RCAN1: variants seen among roughly 807,000 people sequenced by gnomAD.
The protein encoded by RCAN1 is regulator of calcineurin 1, also known as calcipressin-1.
Under a neutral mutation model 22.9 loss-of-function variants are expected in RCAN1, and 11 were observed. The observed-to-expected ratio is 0.48, with a 90% confidence interval of 0.30 to 0.79. The LOEUF (loss-of-function observed/expected upper bound fraction) is 0.79, where lower values mean the gene tolerates loss of function less well. Ranked by LOEUF, RCAN1 falls within the 30% of genes least tolerant of loss-of-function variation. The pLI is 0.06. For synonymous variants in RCAN1, 136 were observed against 142.3 expected (o/e 0.96, Z 0.32); for missense variants, 291 against 337.8 (o/e 0.86, Z 1.09).
intron 1 of RCAN1, among the ~76,000 whole-genome samples, chr21:34,596,236 A>G (rs1775414386): frequency 1.3e-5 from 2 of 152,166 alleles, no homozygotes; most frequent in African/African-American, 4.8e-5. Context: ...TTAACCTCTA[A>G]GCTCCAACAG....
intron 1 of RCAN1, among the ~76,000 whole-genome samples, chr21:34,562,059 C>T (rs1213633055): frequency 6.6e-6 from 1 of 152,204 alleles, no homozygotes; most frequent in East Asian, 1.9e-4. Context: ...GGGGCACTCC[C>T]AGATCTGCCC....
At chr21:34,610,038 C>A (rs1223918777) in intron 1 of RCAN1, among the ~76,000 whole-genome samples, 3 of 152,182 alleles carry the variant, frequency 2.0e-5, no homozygotes, top group Non-Finnish European at 4.4e-5. Context: ...CACCCTCACA[C>A]TAGGGTGAAA....
At chr21:34,573,499 C>G (rs1372992120) in intron 1 of RCAN1, among the ~76,000 whole-genome samples, 1 of 152,202 alleles carries the variant, frequency 6.6e-6, no homozygotes, top group Non-Finnish European at 1.5e-5. Context: ...GGTCCCACTA[C>G]AAATGCAGAT....
intron 1 of RCAN1, among the ~76,000 whole-genome samples, chr21:34,532,079 T>C (rs1985422380): frequency 6.6e-6 from 1 of 151,704 alleles, no homozygotes; most frequent in Admixed American, 6.6e-5. Flanking sequence ...AGTGTCAGGG[T>C]CAGTGGTGGA....
chr21:34,580,401 G>A (rs1300206196), intron 1 of RCAN1, among the ~76,000 whole-genome samples: 2 of 152,216 alleles, frequency 1.3e-5, no homozygotes, highest in South Asian at 2.1e-4. Flanking sequence ...GCTGGCACGG[G>A]TGGCCATGGA....
At position 34,614,730 on chromosome 21, in the gene RCAN1, C is replaced by T. The variant is rs1428738453; in HGVS notation, c.252+30G>A. ...TCGGGCAACAAGTGTCCGCCCTCCG[C>T]CCCGACGGCCCGCCCGGCGCGGTCC... On this transcript the variant is annotated intron_variant, in intron 1 of 3. Coordinates refer to ENST00000313806, the MANE Select transcript of RCAN1 (RefSeq NM_004414.7). The surrounding 1 kb of genome is among the most constrained non-coding windows in gnomAD (Gnocchi z 6.0). The T allele has an allele frequency of 7.1e-7, 1 of 1,404,526 alleles. No individual in the cohort carries two copies. The highest frequency in any genetic ancestry group is 3.4e-5 in the East Asian group (1 of 29,118). 87.0% of individuals were successfully genotyped at this position (1,404,526 alleles called of 1,614,324 possible). A position where few individuals can be genotyped will look rare whatever the true frequency, so the allele number is the denominator to read the frequency against.
intron 1 of RCAN1, among the ~76,000 whole-genome samples, chr21:34,542,348 C>A (rs1215237883): frequency 6.6e-6 from 1 of 152,162 alleles, no homozygotes; most frequent in Non-Finnish European, 1.5e-5. Flanking sequence ...AAGCCATGCC[C>A]TTCTGCCTTG....
intron 1 of RCAN1, among the ~76,000 whole-genome samples, chr21:34,592,915 T>A (rs997686243): frequency 1.1e-4 from 17 of 152,212 alleles, no homozygotes; most frequent in African/African-American, 4.1e-4. Context: ...CTGGTTCTTC[T>A]AAGCGCATGT....
At chr21:34,594,276 G>A (rs981946166) in intron 1 of RCAN1, among the ~76,000 whole-genome samples, 4 of 152,272 alleles carry the variant, frequency 2.6e-5, no homozygotes, top group South Asian at 2.1e-4. Context: ...AGGGTGGGCC[G>A]GGCGCGGTGG....
chr21:34,604,217 G>A (rs1001156641), intron 1 of RCAN1, among the ~76,000 whole-genome samples: 4 of 152,038 alleles, frequency 2.6e-5, no homozygotes, highest in African/African-American at 7.3e-5. Context: ...TGCAACCTCC[G>A]CCTCCCGGGT....
chr21:34,533,206 T>C (rs1035295261), intron 1 of RCAN1, among the ~76,000 whole-genome samples: 8 of 152,104 alleles, frequency 5.3e-5, no homozygotes, highest in African/African-American at 9.7e-5. Context: ...ATGATCTGCC[T>C]GCGTTGGCCT....
chr21:34,582,621 G>T (rs1324810068), intron 1 of RCAN1, among the ~76,000 whole-genome samples: 1 of 152,154 alleles, frequency 6.6e-6, no homozygotes, highest in African/African-American at 2.4e-5. Flanking sequence ...GGAGAGGGCA[G>T]AGCGGGCCAC....
At chr21:34,540,853 C>T (rs945395823) in intron 1 of RCAN1, among the ~76,000 whole-genome samples, 3 of 151,936 alleles carry the variant, frequency 2.0e-5, no homozygotes, top group Non-Finnish European at 2.9e-5. Flanking sequence ...GGCGGGGTGG[C>T]GGGTGCCTGT....
intron 1 of RCAN1, among the ~76,000 whole-genome samples, chr21:34,578,895 A>G (rs767337406): frequency 3.3e-5 from 5 of 152,076 alleles, no homozygotes; most frequent in Non-Finnish European, 7.4e-5. Flanking sequence ...CCCGACTCCA[A>G]CAGTGACAGA....
chr21:34,597,038 G>A (rs372258711), intron 1 of RCAN1, among the ~76,000 whole-genome samples: 2 of 152,118 alleles, frequency 1.3e-5, no homozygotes, highest in Non-Finnish European at 2.9e-5. Flanking sequence ...TCTCAGTTTC[G>A]TCATGAACTT....
intron 1 of RCAN1, among the ~76,000 whole-genome samples, chr21:34,550,861 A>T (rs1986338374): frequency 6.6e-6 from 1 of 152,214 alleles, no homozygotes; most frequent in Non-Finnish European, 1.5e-5. Context: ...TCAGTCCCCC[A>T]TACTAAGGCA....
chr21:34,591,463 T>TG (rs1323849626), intron 1 of RCAN1, among the ~76,000 whole-genome samples: 8 of 151,806 alleles, frequency 5.3e-5, no homozygotes, highest in Admixed American at 4.6e-4. Context: ...GCATGGGCCC[T>TG]GGGGGGGAAC....
At chr21:34,612,709 C>G (rs1988714607) in intron 1 of RCAN1, among the ~76,000 whole-genome samples, 1 of 152,280 alleles carries the variant, frequency 6.6e-6, no homozygotes, top group Admixed American at 6.5e-5. Flanking sequence ...AACTCCACAC[C>G]TTCAAGTCTA....
At chr21:34,570,465 A>G (rs1293108092) in intron 1 of RCAN1, among the ~76,000 whole-genome samples, 1 of 152,222 alleles carries the variant, frequency 6.6e-6, no homozygotes, top group African/African-American at 2.4e-5. Context: ...CTCTTAGGCA[A>G]TATGAGTTAA....
Sources: allele counts gnomAD v4.1 joint callset (sites outside exome capture counted in the v4.1 genomes callset), GRCh38; gene constraint gnomAD v4.1.1; non-coding constraint Gnocchi (gnomAD v3.1); transcripts MANE v1.5; gene names NCBI Gene and HGNC (gene_info 2026-07-23, HGNC 2026-07-21).